The following CASR variants were observed in gnomAD, a reference collection of about 807,000 sequenced individuals.
The protein encoded by CASR is calcium sensing receptor.
CASR carries 23 observed loss-of-function variants against 69.1 expected under a neutral mutation model. The ratio of observed to expected loss-of-function variants is 0.33; its 90% CI spans 0.24 to 0.47. CASR has a LOEUF of 0.47. CASR is among the 20% of genes least tolerant of loss of function. CASR has a pLI of 1.00. For synonymous variants in CASR, 541 were observed against 544.7 expected, an observed-to-expected ratio of 0.99 and a Z score of 0.10; for missense variants, 924 against 1,356.1, an observed-to-expected ratio of 0.68 and a Z score of 5.00.
intron 4 of CASR, among the ~76,000 whole-genome samples, chr3:122,269,768 T>C (rs555796315): frequency 6.6e-6 from 1 of 152,292 alleles, no homozygotes; most frequent in South Asian, 2.1e-4. Flanking sequence ...TTTTGTAGAA[T>C]TGGTATTAAT....
intron 5 of CASR, among the ~76,000 whole-genome samples, chr3:122,278,567 AG>A (rs1263097286): frequency 1.3e-5 from 2 of 152,196 alleles, no homozygotes; most frequent in African/African-American, 2.4e-5. Flanking sequence ...AAGACTGTTG[AG>A]GAGGCTTGGA....
chr3:122,277,209 G>A (rs1262676301), intron 5 of CASR, among the ~76,000 whole-genome samples: 3 of 151,900 alleles, frequency 2.0e-5, no homozygotes, highest in Admixed American at 1.3e-4. Context: ...ACCACACCCA[G>A]CTAATTGTTG....
chr3:122,280,846 A>G (rs1180847766), intron 5 of CASR, among the ~76,000 whole-genome samples: 15 of 152,248 alleles, frequency 9.9e-5, no homozygotes. Context: ...TAAAAGCCCT[A>G]CTATGTATTA....
At chr3:122,252,409 A>AGGAG (rs1553765626) in intron 1 of CASR, among the ~76,000 whole-genome samples, 8 of 6,472 alleles carry the variant, frequency 1.2e-3, no homozygotes, top group African/African-American at 4.7e-3. Context: ...GAAGGAAGGA[A>AGGAG]AAAGAAAGAA....
intron 4 of CASR, among the ~76,000 whole-genome samples, chr3:122,269,842 A>ATTGTT (rs3050785): frequency 0.29 from 43,304 of 151,134 alleles, 6,424 homozygotes; most frequent in Admixed American, 0.37. Flanking sequence ...TCTTTGTGGG[A>ATTGTT]TTGTTTTGTT....
rs1553765669 is a variant in CASR at position 122,252,423 on chromosome 3, A to AAGAAAGAAAG, written c.-242-1523_-242-1514dup. ...GGAAGGAAGGAAAAAGAAAGAAAGA[A>AAGAAAGAAAG]AGAAAGAAAGAAAGAAAGAAAGAAA... On this transcript the variant is annotated intron_variant, in intron 1 of 6. Transcript: ENST00000639785. Among the ~76,000 whole-genome samples, 4 of 77,436 alleles carry AAGAAAGAAAG rather than the reference A, an allele frequency of 5.2e-5. 1 individual carries two copies. The highest frequency in any genetic ancestry group is 1.1e-4 in the Non-Finnish European group (4 of 36,224). The allele number at this position is 77,436 out of a possible 152,430, so 50.8% of individuals were successfully genotyped here.
At chr3:122,282,080 C>G in intron 5 of CASR, 33 bp from the exon 6 acceptor site, 1 of 1,614,168 alleles carries the variant, frequency 6.2e-7, no homozygotes, top group South Asian at 1.1e-5. Flanking sequence ...CCTACAACTA[C>G]AGCCACTCAC....
intron 1 of CASR, among the ~76,000 whole-genome samples, chr3:122,198,730 A>G (rs1351203921): frequency 6.6e-6 from 1 of 151,830 alleles, no homozygotes; most frequent in Non-Finnish European, 1.5e-5. Flanking sequence ...TGTTCATTTT[A>G]TATCTTCCTA....
At chr3:122,252,429 GAA>G (rs1553765676) in intron 1 of CASR, among the ~76,000 whole-genome samples, 1 of 74,106 alleles carries the variant, frequency 1.3e-5, no homozygotes, top group Non-Finnish European at 2.6e-5. Flanking sequence ...AAGAAAGAAA[GAA>G]AGAAAGAAAG....
chr3:122,223,220 T>C (rs958901582), intron 1 of CASR, among the ~76,000 whole-genome samples: 1 of 151,958 alleles, frequency 6.6e-6, no homozygotes, highest in African/African-American at 2.4e-5. Context: ...ACCAAAGTCA[T>C]AGCTGAACTT....
chr3:122,197,761 C>T (rs1430594444), intron 1 of CASR, among the ~76,000 whole-genome samples: 1 of 152,076 alleles, frequency 6.6e-6, no homozygotes, highest in Non-Finnish European at 1.5e-5. Flanking sequence ...TTGCAGAGTG[C>T]CCCATTCCTT....
intron 1 of CASR, among the ~76,000 whole-genome samples, chr3:122,220,217 C>CA (rs1176556148): frequency 6.6e-6 from 1 of 152,070 alleles, no homozygotes; most frequent in Non-Finnish European, 1.5e-5. Context: ...GTGTCAGTTA[C>CA]AAAAAACAGC....
At chr3:122,267,885 G>T (rs1214923423) in intron 4 of CASR, among the ~76,000 whole-genome samples, 1 of 152,166 alleles carries the variant, frequency 6.6e-6, no homozygotes, top group Non-Finnish European at 1.5e-5. Context: ...GGCCCCTCAT[G>T]TTGCCACAAG....
chr3:122,262,022 C>A lies in CASR; in HGVS notation c.987C>A (p.Gly329=). ...CTCTGAAGGCTGGGCAGATCCCAGG[C>A]TTCCGGGAATTCCTGAAGAAGGTCC... ...GFALKAGQIP[G]FREFLKKVHP... Residue 329 remains glycine, a synonymous_variant, in exon 4 of 7, where the codon GGC becomes GGA. Transcript: ENST00000639785. 1 of 1,614,238 alleles carries A rather than the reference C, an allele frequency of 6.2e-7. No homozygotes were observed. The highest frequency in any genetic ancestry group is 8.5e-7 in the Non-Finnish European group (1 of 1,180,042).
chr3:122,252,449 A>AAAG (rs1559954421), intron 1 of CASR, among the ~76,000 whole-genome samples: 571 of 54,428 alleles, frequency 0.01, 52 homozygotes, highest in East Asian at 0.044. Flanking sequence ...AAGAAAGAAA[A>AAAG]AAAAGAAAAG....
chr3:122,217,261 G>C (rs1020457846), intron 1 of CASR, among the ~76,000 whole-genome samples: 3 of 152,064 alleles, frequency 2.0e-5, no homozygotes, highest in African/African-American at 4.8e-5. Flanking sequence ...ACCATGCCCG[G>C]TTAATTTTTT....
intron 1 of CASR, among the ~76,000 whole-genome samples, chr3:122,224,949 C>T (rs909271956): frequency 6.6e-6 from 1 of 152,032 alleles, no homozygotes; most frequent in African/African-American, 2.4e-5. Flanking sequence ...GGAAAGGACT[C>T]CCCATATGAT....
At chr3:122,225,904 C>A (rs2074218075) in intron 1 of CASR, among the ~76,000 whole-genome samples, 1 of 152,174 alleles carries the variant, frequency 6.6e-6, no homozygotes, top group Non-Finnish European at 1.5e-5. Flanking sequence ...TAAAAAGGAA[C>A]AAAATCATAT....
intron 1 of CASR, among the ~76,000 whole-genome samples, chr3:122,215,348 G>C (rs907617130): frequency 2.6e-5 from 4 of 152,216 alleles, no homozygotes; most frequent in African/African-American, 9.6e-5. Flanking sequence ...GATTCTTAGG[G>C]AGTTGAGTGC....
Sources: allele counts gnomAD v4.1 joint callset (sites outside exome capture counted in the v4.1 genomes callset), GRCh38; gene constraint gnomAD v4.1.1; transcripts MANE v1.5; gene names NCBI Gene and HGNC (gene_info 2026-07-23, HGNC 2026-07-21).